MTIF3: variants seen among roughly 807,000 people sequenced by gnomAD.
The protein encoded by MTIF3 is mitochondrial translational initiation factor 3.
In MTIF3, 13 loss-of-function variants were observed where a neutral mutation model predicts 20.7. The observed-to-expected ratio is 0.63, with a 90% CI of 0.41 to 1.00. The LOEUF (loss-of-function observed/expected upper bound fraction) is 1.00, where lower values mean the gene tolerates loss of function less well. Among genes scored for constraint, MTIF3 ranks in the 50% least tolerant of loss-of-function variants. The pLI is 0.00. For missense variants in MTIF3, 295 were observed against 324.5 expected (o/e 0.91, Z 0.70); for synonymous variants, 114 against 112.5 (o/e 1.01, Z -0.08).
intron 4 of MTIF3, among the ~76,000 whole-genome samples, chr13:27,436,745 ATTT>A (rs66903644): frequency 0.14 from 12,095 of 89,372 alleles, 329 homozygotes; most frequent in Non-Finnish European, 0.17. Context: ...ATTTTCTACA[ATTT>A]TTTTTTTTTT....
At chr13:27,447,424 AC>A (rs1207040766) in intron 1 of MTIF3, among the ~76,000 whole-genome samples, 1 of 152,190 alleles carries the variant, frequency 6.6e-6, no homozygotes, top group Non-Finnish European at 1.5e-5. Flanking sequence ...ACAAACGCTT[AC>A]GTTCTTATGA....
chr13:27,437,200 C>T lies in MTIF3; in HGVS notation c.534G>A (p.Gln178=), dbSNP rs777789636. Residue 178 remains glutamine, a synonymous_variant, in exon 4 of 5, where the codon CAG becomes CAA. Coordinates refer to ENST00000381120, the MANE Select transcript of MTIF3 (RefSeq NM_152912.5). The stretch of plus-strand genomic sequence containing the variant: ...GTTTTTTCTTAATCCACTGCTGAAT[C>T]TGTTTAGTCTTTGTGTCCAAATCAT... ...GQHDLDTKTK[Q]IQQWIKKKHL... is the part of the protein sequence containing the mutation. 4 of 1,613,898 alleles carry T rather than the reference C, an allele frequency of 2.5e-6. No homozygotes were observed. In the Admixed American group the frequency reaches 6.7e-5, roughly 27 times the overall value.
chr13:27,438,390 A>G (rs9512696), intron 3 of MTIF3, among the ~76,000 whole-genome samples: 81,800 of 147,032 alleles, frequency 0.56, 24,438 homozygotes, highest in South Asian at 0.68. Context: ...TGTGGGAGGC[A>G]GAGGTGGGAG....
At position 27,440,237 on chromosome 13, in the gene MTIF3, T is replaced by TTCTTTTTTG. The variant is rs1432437560; in HGVS notation, c.203_211dup (p.Thr68_Lys70dup). ...TCCAACGTTACTAAAAGCTGTTTTA[T>TTCTTTTTTG]TCTTTTTTGTCTTTTTTCCTTCATT... On this transcript the variant is annotated inframe_insertion, in exon 3 of 5. Transcript: ENST00000381120. 1 of 1,614,162 alleles carries TTCTTTTTTG rather than the reference T, an allele frequency of 6.2e-7. No homozygotes were observed. Among genetic ancestry groups the TTCTTTTTTG allele is most frequent in the Non-Finnish European group, 8.5e-7 (1 of 1,180,058 alleles).
chr13:27,438,634 C>T (rs528888133), intron 3 of MTIF3, among the ~76,000 whole-genome samples: 1 of 151,990 alleles, frequency 6.6e-6, no homozygotes, highest in South Asian at 2.1e-4. Flanking sequence ...TAGCTGGGAT[C>T]ACAGGTTTGC....
intron 3 of MTIF3, among the ~76,000 whole-genome samples, chr13:27,437,914 G>A (rs1313978174): frequency 6.7e-6 from 1 of 149,498 alleles, no homozygotes; most frequent in Non-Finnish European, 1.5e-5. Context: ...ATAGGGGATG[G>A]AACTCATTAA....
chr13:27,444,844 A>C (rs1344572376), intron 2 of MTIF3, among the ~76,000 whole-genome samples: 1 of 152,210 alleles, frequency 6.6e-6, no homozygotes, highest in Non-Finnish European at 1.5e-5. Flanking sequence ...TCAGATTTCC[A>C]TGATGGTATT....
intron 1 of MTIF3, among the ~76,000 whole-genome samples, chr13:27,445,740 G>A (rs978999339): frequency 6.6e-6 from 1 of 152,298 alleles, no homozygotes; most frequent in Non-Finnish European, 1.5e-5. Flanking sequence ...CTATTAAGCA[G>A]CTTTGCCAAA....
chr13:27,436,091 G>A (rs1192203303), intron 4 of MTIF3, among the ~76,000 whole-genome samples, 198 bp from the exon 5 acceptor site: 1 of 152,160 alleles, frequency 6.6e-6, no homozygotes, highest in East Asian at 1.9e-4. Flanking sequence ...CTGACATGCT[G>A]AATGCTTCCT....
chr13:27,438,082 C>T (rs1424847306), intron 3 of MTIF3, among the ~76,000 whole-genome samples: 1 of 152,128 alleles, frequency 6.6e-6, no homozygotes, highest in African/African-American at 2.4e-5. Flanking sequence ...ACATTAATTT[C>T]TCACCATTAA....
chr13:27,449,558 G>A (rs1054629069), intron 1 of MTIF3, among the ~76,000 whole-genome samples: 2 of 152,030 alleles, frequency 1.3e-5, no homozygotes, highest in Admixed American at 6.6e-5. Flanking sequence ...GCATTCTTCT[G>A]ATTACCTTCC....
chr13:27,439,621 T>C (rs745476907), intron 3 of MTIF3, among the ~76,000 whole-genome samples: 7 of 152,218 alleles, frequency 4.6e-5, no homozygotes, highest in Non-Finnish European at 7.3e-5. Context: ...AACTTGAATG[T>C]ACCCCTCCTA....
chr13:27,440,239 C>A lies in MTIF3; in HGVS notation c.210G>T (p.Lys70Asn). 3 of 1,614,142 alleles carry A rather than the reference C, an allele frequency of 1.9e-6. No individual in the cohort carries two copies. Among genetic ancestry groups the A allele is most frequent in the Non-Finnish European group, 2.5e-6 (3 of 1,180,004 alleles). ...CAACGTTACTAAAAGCTGTTTTATT[C>A]TTTTTTGTCTTTTTTCCTTCATTCT... is the stretch of plus-strand genomic sequence containing the variant. ...DTQNEGKKTK[K>N]NKTAFSNVGR... is the part of the protein sequence containing the mutation. The change falls in exon 3 of 5, where the codon AAG (lysine) becomes AAT (asparagine). Residue 70 changes from lysine (K) to asparagine (N), a missense_variant. By Grantham distance (94) the Lys-to-Asn change is moderately conservative. Transcript: ENST00000381120.
chr13:27,449,843 A>T (rs1954301185), intron 1 of MTIF3: 1 of 152,218 alleles, frequency 6.6e-6, no homozygotes, highest in Non-Finnish European at 1.5e-5. Context: ...GGCCTTTCAC[A>T]ACACGTACTT....
In MTIF3 at chr13:27,437,381, TC is replaced by T. The variant is rs1566081127; in HGVS notation, c.461-109del. The T allele has an allele frequency of 3.1e-6, 3 of 963,134 alleles. No individual in the cohort carries two copies. The Admixed American group carries it at 8.3e-5, about 27-fold the overall frequency. 59.7% of individuals were successfully genotyped at this position (963,134 alleles called of 1,614,324 possible). On this transcript the variant is annotated intron_variant, in intron 3 of 4. Coordinates refer to ENST00000381120, the MANE Select transcript of MTIF3 (RefSeq NM_152912.5). ...CCTAGGTTGCCACCTGACAATCTTC[TC>T]ATCTGGCTTTCAGTTTCACAGACCA...
intron 2 of MTIF3, among the ~76,000 whole-genome samples, chr13:27,443,897 T>C (rs1053520658): frequency 1.3e-5 from 2 of 152,152 alleles, no homozygotes; most frequent in African/African-American, 4.8e-5. Flanking sequence ...TACTTGAAAA[T>C]AAATTTTATT....
chr13:27,444,127 C>A (rs1406395848), intron 2 of MTIF3, among the ~76,000 whole-genome samples: 2 of 152,012 alleles, frequency 1.3e-5, no homozygotes, highest in East Asian at 1.9e-4. Context: ...CACAGTGAAA[C>A]CCTGTCTCTA....
intron 2 of MTIF3, among the ~76,000 whole-genome samples, chr13:27,443,373 A>C (rs1354241517): frequency 6.6e-6 from 1 of 152,104 alleles, no homozygotes; most frequent in Non-Finnish European, 1.5e-5. Flanking sequence ...TTTTTTTTTC[A>C]CTTATCAGAA....
Position 27,450,532 on chromosome 13 carries a change from A to C in MTIF3, c.-94T>G, listed in dbSNP as rs950888067. ...ACCTGTGCTGGGGCAAGCGATTGAC[A>C]TACTGTAGCGGACGCAAGTACAGCG... On this transcript the variant is annotated 5_prime_UTR_variant, in exon 1 of 5. It removes an upstream start codon present in the reference 5' UTR. Transcript: ENST00000381120. 6.6e-6 allele frequency: 1 copy of C among 152,298 alleles called. No homozygotes were observed. Among genetic ancestry groups the C allele is most frequent in the Non-Finnish European group, 1.5e-5 (1 of 68,088 alleles). The allele number at this position is 152,298 out of a possible 1,614,324, so 9.4% of individuals were successfully genotyped here.
Sources: allele counts gnomAD v4.1 joint callset (sites outside exome capture counted in the v4.1 genomes callset), GRCh38; gene constraint gnomAD v4.1.1; transcripts MANE v1.5; gene names NCBI Gene and HGNC (gene_info 2026-07-23, HGNC 2026-07-21).